The following WDPCP variants were observed in gnomAD, a reference collection of about 807,000 sequenced individuals.
The protein encoded by WDPCP is WD repeat containing planar cell polarity effector, also known as WD repeat-containing and planar cell polarity effector protein fritz homolog.
In WDPCP, 71 loss-of-function variants were observed where a neutral mutation model predicts 93.1. The observed-to-expected ratio is 0.76, with a 90% CI of 0.63 to 0.93. The LOEUF (loss-of-function observed/expected upper bound fraction) is 0.93. Ranked by LOEUF, WDPCP falls within the 40% of genes least tolerant of loss-of-function variation. WDPCP has a pLI of 0.00. For synonymous variants in WDPCP, 315 were observed against 315.0 expected, an observed-to-expected ratio of 1.00 and a Z score of 0.00; for missense variants, 844 against 887.4, an observed-to-expected ratio of 0.95 and a Z score of 0.62.
At chr2:63,244,315 AC>A (rs1045909626) in intron 14 of WDPCP, among the ~76,000 whole-genome samples, 3 of 152,170 alleles carry the variant, frequency 2.0e-5, no homozygotes, top group East Asian at 1.9e-4. Context: ...AGGAACAACA[AC>A]CACAGCAAAA....
chr2:63,245,416 GCT>G (rs1198938626), intron 14 of WDPCP, among the ~76,000 whole-genome samples: 1 of 152,204 alleles, frequency 6.6e-6, no homozygotes, highest in African/African-American at 2.4e-5. Context: ...AGAAAGTCGA[GCT>G]TTTTGAGAAA....
chr2:63,705,344 T>G (rs1669131687), intron 2 of WDPCP, among the ~76,000 whole-genome samples: 1 of 152,214 alleles, frequency 6.6e-6, no homozygotes, highest in African/African-American at 2.4e-5. Flanking sequence ...CTGCTAGCTT[T>G]TGAATGTGTT....
chr2:63,645,872 T>C (rs1710042126), intron 3 of WDPCP, among the ~76,000 whole-genome samples: 1 of 152,346 alleles, frequency 6.6e-6, no homozygotes, highest in South Asian at 2.1e-4. Flanking sequence ...TCCATCCCTT[T>C]ACATTCAGTC....
intron 2 of WDPCP, among the ~76,000 whole-genome samples, chr2:63,731,960 G>C (rs1669567580): frequency 6.6e-6 from 1 of 152,210 alleles, no homozygotes. Flanking sequence ...ATGAAAAGCA[G>C]ATGCCAGACA....
At chr2:63,657,442 G>A (rs1431675818) in intron 2 of WDPCP, among the ~76,000 whole-genome samples, 4 of 151,968 alleles carry the variant, frequency 2.6e-5, no homozygotes, top group African/African-American at 7.2e-5. Flanking sequence ...TTCTGACCTC[G>A]TGATCTGCCC....
At chr2:63,164,131 T>C (rs1431737851) in intron 15 of WDPCP, among the ~76,000 whole-genome samples, 3 of 152,186 alleles carry the variant, frequency 2.0e-5, no homozygotes, top group African/African-American at 4.8e-5. Context: ...GATAATCTAA[T>C]ACAAATGAGA....
upstream of WDPCP, chr2:63,588,886 G>A (rs773991199): frequency 2.5e-4 from 231 of 914,386 alleles, 1 homozygote; most frequent in Admixed American, 3.8e-4. Flanking sequence ...CACAACCAGG[G>A]CAGCGTAAAC....
At chr2:63,130,953 G>C (rs545907777) in intron 17 of WDPCP, among the ~76,000 whole-genome samples, 7 of 151,780 alleles carry the variant, frequency 4.6e-5, no homozygotes, top group Admixed American at 3.3e-4. Context: ...ATCCTTCCTA[G>C]TCTCTTGTGA....
chr2:63,839,080 C>A, the WDPCP span, among the ~76,000 whole-genome samples: 5 of 152,144 alleles, frequency 3.3e-5, no homozygotes, highest in South Asian at 2.1e-4. Flanking sequence ...TTGGAGAGTT[C>A]TTGAGGCAGC....
intron 10 of WDPCP, among the ~76,000 whole-genome samples, chr2:63,384,563 C>T (rs2104933639): frequency 6.6e-6 from 1 of 152,080 alleles, no homozygotes; most frequent in Non-Finnish European, 1.5e-5. Flanking sequence ...AAGATGTCTT[C>T]ACTGGTGAAT....
intron 12 of WDPCP, among the ~76,000 whole-genome samples, chr2:63,315,575 A>G (rs1424415689): frequency 6.6e-6 from 1 of 152,186 alleles, no homozygotes; most frequent in Non-Finnish European, 1.5e-5. Context: ...ATCTCCATGG[A>G]TTTCAAATAA....
At chr2:63,659,762 A>G (rs1392785592) in intron 2 of WDPCP, among the ~76,000 whole-genome samples, 1 of 152,202 alleles carries the variant, frequency 6.6e-6, no homozygotes, top group African/African-American at 2.4e-5. Flanking sequence ...ATACAACTAT[A>G]TATGAGCCCG....
At chr2:63,221,479 A>C (rs983523362) in intron 14 of WDPCP, among the ~76,000 whole-genome samples, 2 of 152,234 alleles carry the variant, frequency 1.3e-5, no homozygotes, top group Non-Finnish European at 2.9e-5. Flanking sequence ...ATCTACCACT[A>C]TCAGGATTAA....
At chr2:63,447,948 T>C (rs1342173345) in intron 6 of WDPCP, among the ~76,000 whole-genome samples, 1 of 152,152 alleles carries the variant, frequency 6.6e-6, no homozygotes, top group Non-Finnish European at 1.5e-5. Flanking sequence ...GTTTTTACTA[T>C]ATATCTATTT....
chr2:63,745,260 A>AT (rs1475914074), intron 2 of WDPCP, among the ~76,000 whole-genome samples: 1 of 152,168 alleles, frequency 6.6e-6, no homozygotes, highest in Non-Finnish European at 1.5e-5. Context: ...TTTAAAAATT[A>AT]TTTTCTTAAA....
chr2:63,126,810 G>T (rs1039458588), intron 17 of WDPCP, among the ~76,000 whole-genome samples: 1 of 151,404 alleles, frequency 6.6e-6, no homozygotes, highest in African/African-American at 2.4e-5. Flanking sequence ...CAAGTAGCTG[G>T]GACTACAGGT....
intron 2 of WDPCP, among the ~76,000 whole-genome samples, chr2:63,765,458 A>G (rs1271703846): frequency 6.6e-6 from 1 of 152,226 alleles, no homozygotes; most frequent in East Asian, 1.9e-4. Flanking sequence ...CAAGCAAACC[A>G]GCCACAGGCA....
At chr2:63,347,730 G>GCCCCCCCCCCCC (rs5831659) in intron 12 of WDPCP, among the ~76,000 whole-genome samples, 1 of 143,738 alleles carries the variant, frequency 7.0e-6, no homozygotes, top group Non-Finnish European at 1.5e-5. Flanking sequence ...GGGGGAAATT[G>GCCCCCCCCCCCC]CCCCCCCCGC....
intron 2 of WDPCP, among the ~76,000 whole-genome samples, chr2:63,806,247 GA>G (rs755964472): frequency 8.5e-4 from 130 of 152,282 alleles, no homozygotes; most frequent in Non-Finnish European, 1.4e-3. Context: ...ACAAAAGAGA[GA>G]AATTTTAAAG....
Sources: gnomAD v4.1 joint callset for allele counts (sites outside exome capture counted in the v4.1 genomes callset) on GRCh38, gnomAD v4.1.1 for gene constraint, MANE v1.5 for transcripts, NCBI Gene and HGNC (gene_info 2026-07-23, HGNC 2026-07-21) for gene names.